CCSER1: variants seen among roughly 807,000 people sequenced by gnomAD.
CCSER1 encodes serine-rich coiled-coil domain-containing protein 1.
A neutral mutation model predicts 82.0 loss-of-function variants in CCSER1; 41 were observed. The ratio of observed to expected loss-of-function variants is 0.50; its 90% CI spans 0.39 to 0.65. CCSER1 has a LOEUF of 0.65. Ranked by LOEUF, CCSER1 falls within the 30% of genes least tolerant of loss-of-function variation. The pLI, the probability that CCSER1 is intolerant of heterozygous loss-of-function variation, is 0.00. For missense variants in CCSER1, 1,119 were observed against 1,064.2 expected (o/e 1.05, Z -0.72); for synonymous variants, 414 against 383.9 (o/e 1.08, Z -0.92).
intron 7 of CCSER1, among the ~76,000 whole-genome samples, chr4:90,810,564 G>C (rs1027467691): frequency 1.3e-5 from 2 of 151,814 alleles, no homozygotes; most frequent in African/African-American, 4.8e-5. Flanking sequence ...CAGGAGAATT[G>C]AACCTGGGAG....
chr4:91,259,250 C>T (rs756551681), intron 10 of CCSER1, among the ~76,000 whole-genome samples: 3 of 152,052 alleles, frequency 2.0e-5, no homozygotes, highest in Non-Finnish European at 4.4e-5. Flanking sequence ...CGCTTCATTC[C>T]ATTCTTTATA....
At chr4:91,078,593 GAGA>G (rs1373722297) in intron 9 of CCSER1, among the ~76,000 whole-genome samples, 15 of 152,218 alleles carry the variant, frequency 9.9e-5, no homozygotes, top group African/African-American at 1.7e-4. Context: ...GATGAGTCGA[GAGA>G]AGAAGGCTTC....
At chr4:90,333,824 A>C (rs1739843108) in intron 3 of CCSER1, among the ~76,000 whole-genome samples, 1 of 152,220 alleles carries the variant, frequency 6.6e-6, no homozygotes, top group Non-Finnish European at 1.5e-5. Flanking sequence ...TGCTAGAGTA[A>C]TATTGGAAAG....
At chr4:90,129,421 G>A (rs1329082476) in intron 1 of CCSER1, among the ~76,000 whole-genome samples, 2 of 152,146 alleles carry the variant, frequency 1.3e-5, no homozygotes, top group South Asian at 2.1e-4. Context: ...TGCCTGTCAC[G>A]GTGCTTATAA....
chr4:91,383,053 CAT>C (rs1751035854), intron 10 of CCSER1, among the ~76,000 whole-genome samples: 1 of 151,634 alleles, frequency 6.6e-6, no homozygotes, highest in South Asian at 2.1e-4. Context: ...ACATTTTTAA[CAT>C]AATGATATTA....
intron 1 of CCSER1, among the ~76,000 whole-genome samples, chr4:90,225,040 C>CT (rs1742876729): frequency 6.6e-6 from 1 of 151,750 alleles, no homozygotes; most frequent in South Asian, 2.1e-4. Flanking sequence ...TCTACCCTTC[C>CT]TGAGTTTAAA....
intron 10 of CCSER1, among the ~76,000 whole-genome samples, chr4:91,352,212 C>G (rs2149301258): frequency 6.6e-6 from 1 of 152,242 alleles, no homozygotes; most frequent in Non-Finnish European, 1.5e-5. Flanking sequence ...AACAACATTG[C>G]TCATTGTATA....
chr4:91,498,979 C>A (rs186489501), intron 10 of CCSER1, among the ~76,000 whole-genome samples: 5 of 151,966 alleles, frequency 3.3e-5, no homozygotes, highest in South Asian at 2.1e-4. Context: ...TCTCCACTCT[C>A]CTAGATCACC....
At chr4:91,113,587 G>A (rs964567756) in intron 10 of CCSER1, among the ~76,000 whole-genome samples, 1 of 152,120 alleles carries the variant, frequency 6.6e-6, no homozygotes, top group Non-Finnish European at 1.5e-5. Flanking sequence ...TCTGGCCTCC[G>A]TATGATAAAT....
chr4:91,236,236 C>G (rs562108398), intron 10 of CCSER1, among the ~76,000 whole-genome samples: 1 of 152,210 alleles, frequency 6.6e-6, no homozygotes, highest in African/African-American at 2.4e-5. Flanking sequence ...GCCTGTAATC[C>G]CAGCACTTTG....
At chr4:90,981,684 A>T (rs1157793812) in intron 9 of CCSER1, among the ~76,000 whole-genome samples, 1 of 151,832 alleles carries the variant, frequency 6.6e-6, no homozygotes, top group Non-Finnish European at 1.5e-5. Context: ...ATCTTGGAAG[A>T]ATGTTTTTGA....
At chr4:90,965,392 T>G (rs1734462923) in intron 9 of CCSER1, among the ~76,000 whole-genome samples, 1 of 152,074 alleles carries the variant, frequency 6.6e-6, no homozygotes, top group Non-Finnish European at 1.5e-5. Context: ...AGGCCCTGTT[T>G]TCTCACCTCT....
intron 10 of CCSER1, among the ~76,000 whole-genome samples, chr4:91,162,076 T>A (rs1451265551): frequency 6.6e-6 from 1 of 152,168 alleles, no homozygotes; most frequent in Non-Finnish European, 1.5e-5. Flanking sequence ...GGGTTTGTCA[T>A]AAATATCTCT....
At chr4:91,190,730 A>G (rs536019145) in intron 10 of CCSER1, among the ~76,000 whole-genome samples, 1 of 152,240 alleles carries the variant, frequency 6.6e-6, no homozygotes, top group Non-Finnish European at 1.5e-5. Context: ...GAGAATAAAA[A>G]GTACATTGTC....
At chr4:91,251,852 G>T (rs561306272) in intron 10 of CCSER1, among the ~76,000 whole-genome samples, 1 of 152,080 alleles carries the variant, frequency 6.6e-6, no homozygotes. Context: ...TATAGTTGGC[G>T]TTGTCACTCA....
intron 8 of CCSER1, among the ~76,000 whole-genome samples, chr4:90,817,827 C>T (rs17017683): frequency 0.33 from 50,745 of 151,858 alleles, 8,623 homozygotes; most frequent in East Asian, 0.42. Context: ...CTTGCATCCA[C>T]GGAAAATTTT....
intron 10 of CCSER1, among the ~76,000 whole-genome samples, chr4:91,527,265 G>T (rs1760812746): frequency 6.6e-6 from 1 of 152,170 alleles, no homozygotes; most frequent in African/African-American, 2.4e-5. Flanking sequence ...ATGTGCCAAA[G>T]AACTTGCTCT....
At chr4:90,814,202 G>C (rs1758712345) in intron 7 of CCSER1, among the ~76,000 whole-genome samples, 1 of 152,166 alleles carries the variant, frequency 6.6e-6, no homozygotes, top group African/African-American at 2.4e-5. Flanking sequence ...CAGCTGGGAT[G>C]CAGGCTGCCA....
At chr4:90,670,986 TTA>T in intron 6 of CCSER1, among the ~76,000 whole-genome samples, 1 of 152,058 alleles carries the variant, frequency 6.6e-6, no homozygotes. Context: ...CATGTAAAAA[TTA>T]TGTTTATAGT....
Sources: gnomAD v4.1 joint callset for allele counts (sites outside exome capture counted in the v4.1 genomes callset) on GRCh38, gnomAD v4.1.1 for gene constraint, MANE v1.5 for transcripts, NCBI Gene and HGNC (gene_info 2026-07-23, HGNC 2026-07-21) for gene names.